Variants in SMAD2 observed in about 807,000 individuals in gnomAD.
The protein encoded by SMAD2 is SMAD family member 2, also known as MAD homolog 2.
A neutral mutation model predicts 64.4 loss-of-function variants in SMAD2; 8 were observed. The observed-to-expected ratio is 0.12, with a 90% CI of 0.07 to 0.22. The LOEUF (loss-of-function observed/expected upper bound fraction) is 0.22. SMAD2 is among the 10% of genes least tolerant of loss of function. The pLI is 1.00. For synonymous variants in SMAD2, 203 were observed against 195.8 expected (o/e 1.04, Z -0.31); for missense variants, 289 against 561.2 (o/e 0.51, Z 4.90).
intron 6 of SMAD2, among the ~76,000 whole-genome samples, chr18:47,858,546 T>C (rs1162043634): frequency 6.6e-6 from 1 of 152,210 alleles, no homozygotes; most frequent in African/African-American, 2.4e-5. Context: ...ATCAACTTGA[T>C]ATCAAAAGCA....
At position 47,812,722 on chromosome 18, in the gene SMAD2, A is replaced by T. The variant is rs1912243980; in HGVS notation, c.*29105T>A. ...CTCATAACTTAAGTGGTGGTAATCA[A>T]ATCTAAAGCACATTTTATAGCACAC... On this transcript the variant is annotated 3_prime_UTR_variant, in exon 11 of 11. Transcript: ENST00000262160. The T allele has an allele frequency of 6.6e-6, 1 of 152,172 alleles. No homozygotes were observed. Among genetic ancestry groups the T allele is most frequent in the Non-Finnish European group, 1.5e-5 (1 of 68,046 alleles). The allele number at this position is 152,172 out of a possible 1,614,324, so 9.4% of individuals were successfully genotyped here. A position where few individuals can be genotyped will look rare whatever the true frequency, so the allele number is the denominator to read the frequency against.
intron 2 of SMAD2, among the ~76,000 whole-genome samples, chr18:47,891,064 G>C (rs1184889182): frequency 6.6e-6 from 1 of 152,180 alleles, no homozygotes; most frequent in Non-Finnish European, 1.5e-5. Flanking sequence ...CAGCACTTTG[G>C]GAGGCCGAGG....
rs1240521675 is a variant in SMAD2, at chr18:47,868,333, A to G, written c.645T>C (p.Asn215=). 4 of 1,613,120 alleles carry G rather than the reference A, an allele frequency of 2.5e-6. No individual in the cohort carries two copies. The highest frequency in any genetic ancestry group is 3.4e-6 in the Non-Finnish European group (4 of 1,179,342). ...AGAAGGCAAAAATACCTGGAATATA[A>G]TTACTCTGTGGCTCAATTCCTGCTG... ...NFPAGIEPQS[N]YIPETPPPGY... The change falls in exon 5 of 11, where the codon AAT becomes AAC. Residue 215 remains asparagine (N), a synonymous_variant. Coordinates refer to ENST00000262160, the MANE Select transcript of SMAD2 (RefSeq NM_005901.6).
In SMAD2 at chr18:47,835,685, T is replaced by A. The variant is rs988822752; in HGVS notation, c.*6142A>T. ...AACATTGTAAAATAGTCAAAAACTT[T>A]AAAGCCACAGAGAAAGGAAAACAAT... is the stretch of plus-strand genomic sequence containing the variant. On this transcript the variant is annotated 3_prime_UTR_variant, in exon 11 of 11. Transcript: ENST00000262160. The A allele has an allele frequency of 5.2e-6, 1 of 192,514 alleles. No individual in the cohort carries two copies. The highest frequency in any genetic ancestry group is 2.3e-5 in the African/African-American group (1 of 43,080). The allele number at this position is 192,514 out of a possible 1,614,324, so 11.9% of individuals were successfully genotyped here. A position where few individuals can be genotyped will look rare whatever the true frequency, so the allele number is the denominator to read the frequency against.
At chr18:47,861,631 A>C (rs770440972) in intron 6 of SMAD2, among the ~76,000 whole-genome samples, 1 of 152,226 alleles carries the variant, frequency 6.6e-6, no homozygotes, top group Non-Finnish European at 1.5e-5. Context: ...CATTGTTATA[A>C]GACTATTATC....
At chr18:47,914,792 T>C (rs1032841491) in intron 1 of SMAD2, among the ~76,000 whole-genome samples, 1 of 152,186 alleles carries the variant, frequency 6.6e-6, no homozygotes, top group African/African-American at 2.4e-5. Flanking sequence ...CCCCCTTCCT[T>C]ATTTTTCAGA....
rs1226435936 is a variant in SMAD2 at position 47,840,020 on chromosome 18, T to C, written c.*1807A>G. 4.3e-6 allele frequency: 1 copy of C among 233,098 alleles called. No individual in the cohort carries two copies. The highest frequency in any genetic ancestry group is 8.5e-6 in the Non-Finnish European group (1 of 118,040). 14.4% of individuals were successfully genotyped at this position (233,098 alleles called of 1,614,324 possible). A position where few individuals can be genotyped will look rare whatever the true frequency, so the allele number is the denominator to read the frequency against. ...GCAAAGGCAGGAACTGTAGTTGTCT[T>C]GTTCACCTTTACCCAAAGACTAAGA... is the stretch of plus-strand genomic sequence containing the variant. On this transcript the variant is annotated 3_prime_UTR_variant, in exon 11 of 11. Transcript: ENST00000262160.
chr18:47,906,845 T>G (rs1457132858), intron 1 of SMAD2, among the ~76,000 whole-genome samples: 1 of 152,164 alleles, frequency 6.6e-6, no homozygotes, highest in Non-Finnish European at 1.5e-5. Context: ...ATCGTCACAC[T>G]GCCTTCTCTT....
intron 2 of SMAD2, among the ~76,000 whole-genome samples, chr18:47,884,130 C>T (rs1397252296): frequency 1.3e-5 from 2 of 152,186 alleles, no homozygotes; most frequent in Non-Finnish European, 2.9e-5. Flanking sequence ...CCATGCTCTA[C>T]TCAGACAGCA....
In SMAD2 at chr18:47,817,732, T is replaced by C. The variant is rs923413868; in HGVS notation, c.*24095A>G. 2 of 152,252 alleles carry C rather than the reference T, an allele frequency of 1.3e-5. No homozygotes were observed. The highest frequency in any genetic ancestry group is 2.4e-5 in the African/African-American group (1 of 41,460). The allele number at this position is 152,252 out of a possible 1,614,324, so 9.4% of individuals were successfully genotyped here. A position where few individuals can be genotyped will look rare whatever the true frequency, so the allele number is the denominator to read the frequency against. The stretch of plus-strand genomic sequence containing the variant: ...CACTGATTTTGGTTTCGTTTCGATA[T>C]GGTTACATGCATCTGTAAATGATTT... On this transcript the variant is annotated 3_prime_UTR_variant, in exon 11 of 11. Coordinates refer to ENST00000262160, the MANE Select transcript of SMAD2 (RefSeq NM_005901.6).
At chr18:47,848,410 C>A in intron 8 of SMAD2, 65 bp downstream of exon 8, 1 of 1,224,758 alleles carries the variant, frequency 8.2e-7, no homozygotes. Flanking sequence ...ATGTGGCACA[C>A]CATGCAATGC....
intron 10 of SMAD2, among the ~76,000 whole-genome samples, chr18:47,843,346 C>G (rs546315264): frequency 3.3e-5 from 5 of 152,304 alleles, no homozygotes; most frequent in Admixed American, 6.5e-5. Flanking sequence ...CCCACCCACT[C>G]TGGTAGATGG....
At chr18:47,883,057 T>G (rs2032700454) in intron 2 of SMAD2, among the ~76,000 whole-genome samples, 1 of 152,222 alleles carries the variant, frequency 6.6e-6, no homozygotes, top group African/African-American at 2.4e-5. Context: ...GCTTTTGGCT[T>G]TCTGATTTCT....
intron 2 of SMAD2, among the ~76,000 whole-genome samples, chr18:47,888,567 C>T (rs556782294): frequency 1.3e-5 from 2 of 152,316 alleles, no homozygotes; most frequent in East Asian, 3.9e-4. Context: ...ATCAAAATCC[C>T]TGGAGCGCTG....
intron 2 of SMAD2, among the ~76,000 whole-genome samples, chr18:47,882,043 T>TTTTTTTTTTTTTTTTTTTTTTTTTTTTG (rs2032631060): frequency 9.3e-6 from 1 of 107,138 alleles, no homozygotes; most frequent in Non-Finnish European, 1.8e-5. Context: ...ACGCTTGGCT[T>TTTTTTTTTTTTTTTTTTTTTTTTTTTTG]TTTTTTTTTT....
chr18:47,923,342 C>T (rs1271522161), intron 1 of SMAD2, among the ~76,000 whole-genome samples: 1 of 152,140 alleles, frequency 6.6e-6, no homozygotes, highest in East Asian at 1.9e-4. Context: ...TGAGTGGGGT[C>T]CTCAGGCCAT....
intron 6 of SMAD2, among the ~76,000 whole-genome samples, chr18:47,854,442 C>A (rs1415023702): frequency 1.3e-5 from 2 of 152,138 alleles, no homozygotes; most frequent in Non-Finnish European, 1.5e-5. Flanking sequence ...TTCTTCACAC[C>A]GTGTCACTAC....
intron 2 of SMAD2, among the ~76,000 whole-genome samples, chr18:47,887,873 T>C (rs1311168671): frequency 6.6e-6 from 1 of 152,194 alleles, no homozygotes; most frequent in African/African-American, 2.4e-5. Context: ...TACCTTAACA[T>C]ATACTACTCT....
rs992458792 is a variant in SMAD2 at position 47,828,467 on chromosome 18, C to T, written c.*13360G>A. On this transcript the variant is annotated 3_prime_UTR_variant, in exon 11 of 11. Coordinates refer to ENST00000262160, the MANE Select transcript of SMAD2 (RefSeq NM_005901.6). ...GCTCATTGAGAGCGGGCCATGATGA[C>T]GATGGCGGTTTTGTCGAATAGAAAA... 6.0e-5 allele frequency: 10 copies of T among 166,948 alleles called. No individual in the cohort carries two copies. Among genetic ancestry groups the T allele is most frequent in the Non-Finnish European group, 6.2e-5 (5 of 80,264 alleles). 10.3% of individuals were successfully genotyped at this position (166,948 alleles called of 1,614,324 possible).
Sources: allele counts gnomAD v4.1 joint callset (sites outside exome capture counted in the v4.1 genomes callset), GRCh38; gene constraint gnomAD v4.1.1; transcripts MANE v1.5; gene names NCBI Gene and HGNC (gene_info 2026-07-23, HGNC 2026-07-21).